Variants in TSGA10 observed in about 807,000 individuals in gnomAD.
TSGA10 encodes the protein testis specific 10.
A neutral mutation model predicts 96.6 loss-of-function variants in TSGA10; 43 were observed. That is an observed-to-expected ratio of 0.44 (90% confidence interval 0.35 to 0.57). The LOEUF (loss-of-function observed/expected upper bound fraction) is 0.57. TSGA10 is among the 20% of genes least tolerant of loss of function. The pLI is 0.01. For missense variants in TSGA10, 703 were observed against 834.4 expected, an observed-to-expected ratio of 0.84 and a Z score of 1.94; for synonymous variants, 229 against 269.9, an observed-to-expected ratio of 0.85 and a Z score of 1.48.
At chr2:99,045,346 T>A (rs1190002017) in intron 16 of TSGA10, among the ~76,000 whole-genome samples, 1 of 152,124 alleles carries the variant, frequency 6.6e-6, no homozygotes, top group African/African-American at 2.4e-5. Flanking sequence ...AAGGTCGGGT[T>A]ACCCACAAAG....
chr2:99,141,217 C>T, intron 1 of TSGA10: 1 of 1,101,106 alleles, frequency 9.1e-7, no homozygotes, highest in Non-Finnish European at 1.2e-6. Context: ...CTTTCTCCTC[C>T]CTTCCCACCC....
At chr2:99,130,754 A>G (rs1457057437) in intron 1 of TSGA10, among the ~76,000 whole-genome samples, 3 of 152,104 alleles carry the variant, frequency 2.0e-5, no homozygotes, top group Non-Finnish European at 2.9e-5. Context: ...TTATGGTCTT[A>G]TGTTTTATGT....
intron 15 of TSGA10, among the ~76,000 whole-genome samples, chr2:99,065,891 A>C (rs1410178163): frequency 1.3e-5 from 2 of 152,240 alleles, no homozygotes; most frequent in Non-Finnish European, 2.9e-5. Context: ...GTAGGGAAAT[A>C]AGGAGGGAAA....
chr2:99,067,868 G>A (rs2085450358), intron 15 of TSGA10, among the ~76,000 whole-genome samples: 1 of 151,806 alleles, frequency 6.6e-6, no homozygotes, highest in Admixed American at 6.6e-5. Context: ...GTGTTGCTCT[G>A]GATATTCATT....
intron 16 of TSGA10, among the ~76,000 whole-genome samples, chr2:99,041,888 C>A (rs942456292): frequency 3.9e-5 from 6 of 151,934 alleles, no homozygotes; most frequent in Non-Finnish European, 7.4e-5. Context: ...AACAGACAGC[C>A]CCCAGAGTGG....
intron 1 of TSGA10, among the ~76,000 whole-genome samples, chr2:99,132,509 C>T (rs1427161632): frequency 1.3e-5 from 2 of 150,506 alleles, no homozygotes; most frequent in Non-Finnish European, 3.0e-5. Flanking sequence ...CTATTTGATT[C>T]TTATTAGTCT....
chr2:99,067,311 G>A (rs981198124), intron 15 of TSGA10, among the ~76,000 whole-genome samples: 7 of 152,164 alleles, frequency 4.6e-5, no homozygotes, highest in African/African-American at 1.7e-4. Context: ...TTCTCTCCGG[G>A]CCTGCATCCA....
intron 17 of TSGA10, among the ~76,000 whole-genome samples, chr2:99,024,374 C>A (rs1249493396): frequency 6.6e-6 from 1 of 152,164 alleles, no homozygotes; most frequent in East Asian, 1.9e-4. Context: ...AGGCATAAGC[C>A]ACCGCGTCTG....
intron 1 of TSGA10, chr2:99,147,623 C>T: frequency 1.3e-6 from 1 of 796,562 alleles, no homozygotes. Flanking sequence ...ATTTCAAATG[C>T]CATGTTTTAG....
chr2:99,055,033 A>C (rs181071805), intron 16 of TSGA10, among the ~76,000 whole-genome samples: 13 of 152,354 alleles, frequency 8.5e-5, no homozygotes. Context: ...AAATGAAATC[A>C]GTATGTCAAA....
chr2:99,134,287 C>A (rs2093234810), intron 1 of TSGA10, among the ~76,000 whole-genome samples: 1 of 152,146 alleles, frequency 6.6e-6, no homozygotes. Context: ...TTCTTCTCAT[C>A]CTTTTTTCTC....
chr2:99,103,822 T>C, intron 10 of TSGA10, 145 bp downstream of exon 10: 1 of 883,398 alleles, frequency 1.1e-6, no homozygotes, highest in Non-Finnish European at 1.6e-6. Flanking sequence ...AATTGTTCAC[T>C]GTGTGCCAAG....
At chr2:99,064,389 C>A (rs1203896563) in intron 16 of TSGA10, among the ~76,000 whole-genome samples, 2 of 152,074 alleles carry the variant, frequency 1.3e-5, no homozygotes, top group Non-Finnish European at 2.9e-5. Context: ...GGGCAAGTTG[C>A]AAATGAATAT....
intron 1 of TSGA10, among the ~76,000 whole-genome samples, chr2:99,147,700 G>GTAA (rs905713225): frequency 2.0e-5 from 3 of 152,070 alleles, no homozygotes; most frequent in African/African-American, 7.2e-5. Context: ...CTACAGAAAT[G>GTAA]TAATAATAAT....
chr2:99,015,059 G>C (rs1317194452), intron 20 of TSGA10, among the ~76,000 whole-genome samples: 1 of 152,088 alleles, frequency 6.6e-6, no homozygotes, highest in Non-Finnish European at 1.5e-5. Flanking sequence ...CCATCAGACA[G>C]TCAAAGAAGA....
intron 20 of TSGA10, among the ~76,000 whole-genome samples, chr2:99,005,413 C>G (rs1418493693): frequency 6.6e-6 from 1 of 152,198 alleles, no homozygotes; most frequent in Non-Finnish European, 1.5e-5. Flanking sequence ...AGCCCAAAAT[C>G]TCCTTAAGCT....
intron 10 of TSGA10, among the ~76,000 whole-genome samples, chr2:99,100,819 CAAAAAA>C (rs70940133): frequency 2.9e-5 from 2 of 69,736 alleles, no homozygotes; most frequent in East Asian, 3.6e-4. Flanking sequence ...GACTCCGTCT[CAAAAAA>C]AAAAAAAAAA....
chr2:99,038,455 GA>G (rs1426628133), intron 16 of TSGA10, among the ~76,000 whole-genome samples: 19 of 152,028 alleles, frequency 1.2e-4, no homozygotes, highest in African/African-American at 4.6e-4. Flanking sequence ...TAAAGGGGTG[GA>G]AAAACATATT....
chr2:99,135,447 A>G (rs550168710), intron 1 of TSGA10, among the ~76,000 whole-genome samples: 1 of 152,212 alleles, frequency 6.6e-6, no homozygotes, highest in Non-Finnish European at 1.5e-5. Context: ...ACAGAATAGA[A>G]CAGTTCCTAT....
Sources: allele counts gnomAD v4.1 joint callset (sites outside exome capture counted in the v4.1 genomes callset), GRCh38; gene constraint gnomAD v4.1.1; transcripts MANE v1.5; gene names NCBI Gene and HGNC (gene_info 2026-07-23, HGNC 2026-07-21).